The following ETAA1 variants were observed in gnomAD, a reference collection of about 807,000 sequenced individuals.
ETAA1 encodes ETAA1 activator of ATR kinase, also known as ewing's tumor-associated antigen 1.
In ETAA1, 49 loss-of-function variants were observed where a neutral mutation model predicts 76.8. The ratio of observed to expected loss-of-function variants is 0.64; its 90% CI spans 0.51 to 0.81. The LOEUF (loss-of-function observed/expected upper bound fraction) is 0.81, where lower values mean the gene tolerates loss of function less well. ETAA1 is among the 30% of genes least tolerant of loss of function. The pLI, the probability that ETAA1 is intolerant of heterozygous loss-of-function variation, is 0.00. For synonymous variants in ETAA1, 373 were observed against 372.2 expected, an observed-to-expected ratio of 1.00 and a Z score of -0.03; for missense variants, 1,099 against 1,074.0, an observed-to-expected ratio of 1.02 and a Z score of -0.32.
Position 67,404,485 on chromosome 2 carries a change from AGCAGATGAT to A in ETAA1, c.1805_1813del (p.Ala602_Asp604del). 6.2e-7 allele frequency: 1 copy of A among 1,613,364 alleles called. No homozygotes were observed. Among genetic ancestry groups the A allele is most frequent in the Non-Finnish European group, 8.5e-7 (1 of 1,179,540 alleles). On this transcript the variant is annotated inframe_deletion, in exon 5 of 6. Coordinates refer to ENST00000272342, the MANE Select transcript of ETAA1 (RefSeq NM_019002.4). ...GTCATCAATTAGATAATACCTGGGA[AGCAGATGAT>A]GTAGATGATGATTTGTTGTACCAAG...
chr2:67,404,158 C>T lies in ETAA1; in HGVS notation c.1476C>T (p.Asp492=), dbSNP rs752285968. The change falls in exon 5 of 6, where the codon GAC becomes GAT. Residue 492 remains aspartate, a synonymous_variant. Coordinates refer to ENST00000272342, the MANE Select transcript of ETAA1 (RefSeq NM_019002.4). ...CTTCCAATAAAATTGTTATTCAAGACGAAATTCAAAATTGTATAGTTACAT... is the reference window on the plus strand; with the variant it reads ...CTTCCAATAAAATTGTTATTCAAGATGAAATTCAAAATTGTATAGTTACAT... ...ENSSNKIVIQ[D]EIQNCIVTSN... is the part of the protein sequence containing the mutation. 1.1e-4 allele frequency: 170 copies of T among 1,594,684 alleles called. 1 individual carries two copies. The highest frequency in any genetic ancestry group is 1.3e-4 in the Non-Finnish European group (152 of 1,172,774).
At position 67,399,577 on chromosome 2, in the gene ETAA1, C is replaced by T. The variant is rs1165479042; in HGVS notation, c.380C>T (p.Thr127Ile). The T allele has an allele frequency of 6.2e-7, 1 of 1,607,768 alleles. No individual in the cohort carries two copies. Among genetic ancestry groups the T allele is most frequent in the Non-Finnish European group, 8.5e-7 (1 of 1,175,974 alleles). ...AAAGGAAGAAAAAAACAGATTTACACCACAGATAGTGATGAGATTTCACAT... is the reference window on the plus strand; with the variant it reads ...AAAGGAAGAAAAAAACAGATTTACATCACAGATAGTGATGAGATTTCACAT... The part of the protein sequence containing the change: ...LGKGRKKQIY[T>I]TDSDEISHIV... The change falls in exon 3 of 6, where the codon ACC (threonine) becomes ATC (isoleucine). Residue 127 changes from threonine (T) to isoleucine (I), a missense_variant. By Grantham distance (89) the Thr-to-Ile change is moderately conservative. This residue lies in a region of ETAA1 where 761 missense variants were observed against 731.9 expected (regional missense o/e 1.04). Transcript: ENST00000272342.
At position 67,403,418 on chromosome 2, in the gene ETAA1, G is replaced by A. The variant is rs756846423; in HGVS notation, c.736G>A (p.Glu246Lys). The A allele has an allele frequency of 7.5e-6, 12 of 1,610,618 alleles. No homozygotes were observed. The highest frequency in any genetic ancestry group is 4.0e-5 in the African/African-American group (3 of 74,810). The change falls in exon 5 of 6, where the codon GAA (glutamate) becomes AAA (lysine). Residue 246 changes from glutamate to lysine, a missense_variant. Around this residue, in one of 3 missense-constraint regions of ETAA1, gnomAD observed 761 missense variants for 731.9 expected, o/e 1.04. Coordinates refer to ENST00000272342, the MANE Select transcript of ETAA1 (RefSeq NM_019002.4). ...QMWSLHNIVP[E>K]IDNATKKPIK... is the part of the protein sequence containing the mutation. ...GTGGTCATTACATAATATAGTTCCC[G>A]AAATAGATAATGCTACAAAAAAGCC...
At chr2:67,408,528 C>T (rs1676279874) in intron 5 of ETAA1, among the ~76,000 whole-genome samples, 1 of 148,182 alleles carries the variant, frequency 6.7e-6, no homozygotes, top group African/African-American at 2.5e-5. Context: ...CTGACTCTTT[C>T]TTTACAGGAA....
In ETAA1 at chr2:67,399,309, T is replaced by A. The variant is rs780171493; in HGVS notation, c.352+12T>A. 1 of 1,593,094 alleles carries A rather than the reference T, an allele frequency of 6.3e-7. No homozygotes were observed. The highest frequency in any genetic ancestry group is 8.6e-7 in the Non-Finnish European group (1 of 1,167,324). The stretch of plus-strand genomic sequence containing the variant: ...GACAAAGCAGTTAGGTAATTAATTA[T>A]TAACATTTTTTATGTGAGTAAATAT... On this transcript the variant is annotated intron_variant, in intron 2 of 5. Transcript: ENST00000272342.
intron 5 of ETAA1, among the ~76,000 whole-genome samples, chr2:67,406,550 G>C (rs1173001441): frequency 6.6e-6 from 1 of 151,904 alleles, no homozygotes; most frequent in Non-Finnish European, 1.5e-5. Context: ...ATTTACAATA[G>C]TAATATGCTA....
chr2:67,405,255 G>A lies in ETAA1; in HGVS notation c.2573G>A (p.Gly858Asp). ...ACACAGGGTGTGGAGAAAAAGAAAG[G>A]TGTCAACCCATTACTGGAGGAAGCT... is the stretch of plus-strand genomic sequence containing the variant. ...KITQGVEKKKGVNPLLEEAVG... is the reference protein window; with the variant it reads ...KITQGVEKKKDVNPLLEEAVG... The change falls in exon 5 of 6, where the codon GGT becomes GAT. Residue 858 changes from glycine (G) to aspartate (D), a missense_variant. By Grantham distance (94) the Gly-to-Asp change is moderately conservative. This residue lies in a region of ETAA1 where 302 missense variants were observed against 278.1 expected (regional missense o/e 1.09). Transcript: ENST00000272342. The A allele has an allele frequency of 6.2e-7, 1 of 1,608,394 alleles. No individual in the cohort carries two copies. The highest frequency in any genetic ancestry group is 8.5e-7 in the Non-Finnish European group (1 of 1,177,718).
At position 67,404,624 on chromosome 2, in the gene ETAA1, A is replaced by G; in HGVS notation, c.1942A>G (p.Lys648Glu). ...EINNNSEHGA[K>E]LTQQQDIRKD... ...CAATAATAATTCCGAACATGGAGCC[A>G]AACTAACTCAGCAACAAGACATTAG... is the stretch of plus-strand genomic sequence containing the variant. The change falls in exon 5 of 6, where the codon AAA (lysine) becomes GAA (glutamate). Residue 648 changes from lysine (K) to glutamate (E), a missense_variant. Physicochemically the swap from Lys to Glu is moderately conservative, Grantham distance 56. Around this residue, in one of 3 missense-constraint regions of ETAA1, gnomAD observed 36 missense variants for 64.0 expected, o/e 0.56. Transcript: ENST00000272342. 6.2e-7 allele frequency: 1 copy of G among 1,613,480 alleles called. No individual in the cohort carries two copies. Among genetic ancestry groups the G allele is most frequent in the Non-Finnish European group, 8.5e-7 (1 of 1,179,602 alleles).
In ETAA1 at chr2:67,404,586, GTA is replaced by G; in HGVS notation, c.1908_1909del (p.Ile636MetfsTer2). 6.2e-7 allele frequency: 1 copy of G among 1,613,244 alleles called. No individual in the cohort carries two copies. The highest frequency in any genetic ancestry group is 2.2e-5 in the East Asian group (1 of 44,816). On this transcript the variant is annotated frameshift_variant, in exon 5 of 6. Coordinates refer to ENST00000272342, the MANE Select transcript of ETAA1 (RefSeq NM_019002.4). LOFTEE classifies it high-confidence loss of function. Reference sequence around the variant, plus strand: ...AGAAAGGACAGTAAGACATCAGAAAGTATATGTGAGATCAATAATAATTCCGA... The same window carrying G: ...AGAAAGGACAGTAAGACATCAGAAAGTATGTGAGATCAATAATAATTCCGA...
chr2:67,407,047 A>G (rs188916314), intron 5 of ETAA1, among the ~76,000 whole-genome samples: 235 of 152,222 alleles, frequency 1.5e-3, no homozygotes, highest in Non-Finnish European at 2.5e-3. Flanking sequence ...AAAAATTGCT[A>G]CAAGAGGAAG....
rs1451335793 is a variant in ETAA1 at position 67,399,241 on chromosome 2, C to T, written c.296C>T (p.Pro99Leu). Residue 99 changes from proline to leucine, a missense_variant, in exon 2 of 6, where the codon CCA becomes CTA. Physicochemically the swap from Pro to Leu is moderately conservative, Grantham distance 98 (BLOSUM62 -3). Transcript: ENST00000272342. Reference sequence around the variant, plus strand: ...TCTTCCTTCAGTTCTCCTAATGATCCAGATGGACAGAATGATATCTTTTGG... The same window carrying T: ...TCTTCCTTCAGTTCTCCTAATGATCTAGATGGACAGAATGATATCTTTTGG... ...LSSSFSSPND[P>L]DGQNDIFWDQ... The T allele has an allele frequency of 6.2e-7, 1 of 1,613,352 alleles. No individual in the cohort carries two copies. The highest frequency in any genetic ancestry group is 2.2e-5 in the East Asian group (1 of 44,820).
intron 1 of ETAA1, 124 bp downstream of exon 1, chr2:67,397,795 C>G: frequency 1.1e-6 from 1 of 949,376 alleles, no homozygotes; most frequent in Non-Finnish European, 1.6e-6. Flanking sequence ...GGGATTCACC[C>G]CTCGAGAGTC....
chr2:67,410,126 A>C lies in ETAA1; in HGVS notation c.*88A>C. The C allele has an allele frequency of 8.2e-7, 1 of 1,218,416 alleles. No individual in the cohort carries two copies. Among genetic ancestry groups the C allele is most frequent in the Non-Finnish European group, 1.2e-6 (1 of 860,150 alleles). The allele number at this position is 1,218,416 out of a possible 1,614,324, so 75.5% of individuals were successfully genotyped here. ...TTTTTTTCTTGATTTCTCTGTGAGAAATGTAATGCTGACTTTTATAAAGCC... is the reference window on the plus strand; with the variant it reads ...TTTTTTTCTTGATTTCTCTGTGAGACATGTAATGCTGACTTTTATAAAGCC... On this transcript the variant is annotated 3_prime_UTR_variant, in exon 6 of 6. Transcript: ENST00000272342.
In ETAA1 at chr2:67,404,561, A is replaced by G; in HGVS notation, c.1879A>G (p.Arg627Gly). The G allele has an allele frequency of 2.5e-6, 4 of 1,613,512 alleles. No individual in the cohort carries two copies. The highest frequency in any genetic ancestry group is 8.5e-7 in the Non-Finnish European group (1 of 1,179,574). Reference protein sequence around the residue: ...IERLTQQQDIRKDSKTSESIC... With the variant: ...IERLTQQQDIGKDSKTSESIC... ...AAGACTAACTCAGCAACAAGACATTAGAAAGGACAGTAAGACATCAGAAAG... is the reference window on the plus strand; with the variant it reads ...AAGACTAACTCAGCAACAAGACATTGGAAAGGACAGTAAGACATCAGAAAG... The change falls in exon 5 of 6, where the codon AGA becomes GGA. Residue 627 changes from arginine to glycine, a missense_variant. Physicochemically the swap from Arg to Gly is moderately radical, Grantham distance 125. Transcript: ENST00000272342.
Position 67,405,211 on chromosome 2 carries a change from T to C in ETAA1, c.2529T>C (p.Ser843=). 1 of 1,612,580 alleles carries C rather than the reference T, an allele frequency of 6.2e-7. No individual in the cohort carries two copies. Residue 843 remains serine, a synonymous_variant, in exon 5 of 6, where the codon AGT becomes AGC. Coordinates refer to ENST00000272342, the MANE Select transcript of ETAA1 (RefSeq NM_019002.4). Reference sequence around the variant, plus strand: ...TTAATCAAAATTGTATAACTGGAAGTATGTCTGATACCAAAATTACACAGG... The same window carrying C: ...TTAATCAAAATTGTATAACTGGAAGCATGTCTGATACCAAAATTACACAGG... ...SQFNQNCITG[S]MSDTKITQGV...
chr2:67,405,325 A>G lies in ETAA1; in HGVS notation c.2643A>G (p.Gln881=), dbSNP rs558370769. 136 of 1,536,356 alleles carry G rather than the reference A, an allele frequency of 8.9e-5. 1 individual carries two copies. The South Asian group carries it at 1.2e-3, about 13-fold the overall frequency. The change falls in exon 5 of 6, where the codon CAA becomes CAG. Residue 881 remains glutamine, a synonymous_variant. Transcript: ENST00000272342. ...SLVKLSESLK[Q]SSKEEEEKNR... is the part of the protein sequence containing the mutation. ...TGAAACTTTCTGAATCTTTGAAACA[A>G]TCTTCAAAAGGTATGTATGAAATAT... is the stretch of plus-strand genomic sequence containing the variant.
At chr2:67,403,150 A>T in intron 4 of ETAA1, 75 bp from the exon 5 acceptor site, 2 of 1,191,062 alleles carry the variant, frequency 1.7e-6, no homozygotes, top group African/African-American at 1.5e-5. Flanking sequence ...GAGCTTTAAC[A>T]TCAAAATATG....
At chr2:67,406,266 AG>A (rs1164191650) in intron 5 of ETAA1, among the ~76,000 whole-genome samples, 2 of 152,112 alleles carry the variant, frequency 1.3e-5, no homozygotes, top group Admixed American at 1.3e-4. Flanking sequence ...TTCCTTGTCC[AG>A]GAACTTAGAC....
chr2:67,397,743 A>C (rs1421925465), intron 1 of ETAA1, 72 bp downstream of exon 1: 1 of 1,433,524 alleles, frequency 7.0e-7, no homozygotes, highest in Admixed American at 2.0e-5. Context: ...CAACAGGGAA[A>C]TCTGGGGTGG....
Sources: allele counts gnomAD v4.1 joint callset (sites outside exome capture counted in the v4.1 genomes callset), GRCh38; gene constraint gnomAD v4.1.1; regional missense constraint gnomAD v4.1.1; transcripts MANE v1.5; gene names NCBI Gene and HGNC (gene_info 2026-07-23, HGNC 2026-07-21).